Variants in KLF12 observed in about 807,000 individuals in gnomAD.
The protein encoded by KLF12 is KLF transcription factor 12.
A neutral mutation model predicts 37.8 loss-of-function variants in KLF12; 9 were observed. The ratio of observed to expected loss-of-function variants is 0.24; its 90% CI spans 0.14 to 0.42. KLF12 has a LOEUF of 0.42. KLF12 is among the 10% of genes least tolerant of loss of function. The probability of loss-of-function intolerance (pLI) is 1.00; values close to 1 mark genes in which losing one functional copy is unlikely to be tolerated. For synonymous variants in KLF12, 208 were observed against 202.1 expected (o/e 1.03, Z -0.25); for missense variants, 411 against 516.0 (o/e 0.80, Z 1.97).
intron 3 of KLF12, among the ~76,000 whole-genome samples, chr13:73,934,502 C>G (rs1312054599): frequency 6.6e-6 from 1 of 152,144 alleles, no homozygotes; most frequent in Non-Finnish European, 1.5e-5. Context: ...TTACTCATTT[C>G]CTGTATAAAT....
chr13:73,970,983 A>G (rs1319752454), intron 2 of KLF12, among the ~76,000 whole-genome samples: 2 of 152,200 alleles, frequency 1.3e-5, no homozygotes, highest in East Asian at 3.8e-4. Flanking sequence ...ATTGACTGAG[A>G]GAAGGCATCT....
the KLF12 span, among the ~76,000 whole-genome samples, chr13:74,252,986 T>C: frequency 2.1e-5 from 1 of 48,746 alleles, no homozygotes; most frequent in African/African-American, 9.6e-5. Flanking sequence ...TGTCTATCTA[T>C]CTATCTATCT....
chr13:74,242,907 G>A, the KLF12 span, among the ~76,000 whole-genome samples: 17 of 152,300 alleles, frequency 1.1e-4, no homozygotes, highest in East Asian at 3.3e-3. Context: ...CCACTGCAGA[G>A]CCCTGATGAA....
chr13:74,243,787 A>G, the KLF12 span, among the ~76,000 whole-genome samples: 1 of 152,164 alleles, frequency 6.6e-6, no homozygotes, highest in Admixed American at 6.6e-5. Context: ...TGGGTTTTGA[A>G]ATGCAGTTAA....
intron 2 of KLF12, among the ~76,000 whole-genome samples, chr13:73,961,244 T>C (rs543729416): frequency 6.6e-6 from 1 of 152,302 alleles, no homozygotes; most frequent in East Asian, 1.9e-4. Flanking sequence ...GTGTTCTCAC[T>C]AACAATGCAT....
chr13:73,735,809 C>G lies in KLF12; in HGVS notation c.870-20284G>C, dbSNP rs373529575. 2.4e-4 allele frequency among the ~76,000 whole-genome samples: 37 copies of G among 152,184 alleles called. No homozygotes were observed. The East Asian group carries it at 5.2e-3, about 21-fold the overall frequency. On this transcript the variant is annotated intron_variant, in intron 6 of 7. Coordinates refer to ENST00000377669, the MANE Select transcript of KLF12 (RefSeq NM_007249.5). The stretch of plus-strand genomic sequence containing the variant: ...TATGAGATTGATACTACTGAGTTAC[C>G]CACGTCACATAAAAACTGAGTCTAA...
chr13:74,275,851 TTTCTTTCTTTCTTTCTATCTTTCTTTC>T, the KLF12 span, among the ~76,000 whole-genome samples: 45 of 123,394 alleles, frequency 3.6e-4, 2 homozygotes, highest in Admixed American at 9.5e-4. Context: ...TCTTTCTTTC[TTTCTTTCTTTCTTTCTATCTTTCTTTC>T]TTCTTTCTTT....
At chr13:73,823,093 AT>A (rs1883623424) in intron 4 of KLF12, among the ~76,000 whole-genome samples, 3 of 152,230 alleles carry the variant, frequency 2.0e-5, no homozygotes, top group African/African-American at 7.2e-5. Context: ...GCATTAATCC[AT>A]GGCCATTTTA....
At chr13:73,771,753 G>A (rs1004295905) in intron 5 of KLF12, among the ~76,000 whole-genome samples, 1 of 152,166 alleles carries the variant, frequency 6.6e-6, no homozygotes, top group African/African-American at 2.4e-5. Flanking sequence ...AAAATTATAA[G>A]AGATTTCAAA....
chr13:73,923,505 C>A (rs748079), intron 3 of KLF12, among the ~76,000 whole-genome samples: 120,308 of 152,114 alleles, frequency 0.79, 48,719 homozygotes, highest in Non-Finnish European at 0.88. Flanking sequence ...TGCAGCACCC[C>A]CTGGCTCCTC....
At chr13:73,936,152 G>A (rs1309641633) in intron 3 of KLF12, among the ~76,000 whole-genome samples, 4 of 152,066 alleles carry the variant, frequency 2.6e-5, no homozygotes, top group African/African-American at 9.7e-5. Flanking sequence ...CTGCTTCTTT[G>A]TACATCTGGT....
At chr13:73,794,226 C>T (rs1444085379) in intron 5 of KLF12, among the ~76,000 whole-genome samples, 3 of 152,296 alleles carry the variant, frequency 2.0e-5, no homozygotes, top group Non-Finnish European at 4.4e-5. Flanking sequence ...TTTGGGAGGC[C>T]GAGGCAGGCG....
chr13:74,250,252 C>G, the KLF12 span, among the ~76,000 whole-genome samples: 33 of 152,262 alleles, frequency 2.2e-4, no homozygotes, highest in African/African-American at 7.9e-4. Context: ...ACACAGAGAG[C>G]TATGTGCTTG....
intron 4 of KLF12, among the ~76,000 whole-genome samples, chr13:73,841,511 G>C (rs1294151466): frequency 1.3e-5 from 2 of 152,082 alleles, no homozygotes; most frequent in African/African-American, 4.8e-5. Context: ...CTGCGGGTTG[G>C]GCAAGCTTGC....
At chr13:73,914,844 C>T (rs1172088651) in intron 3 of KLF12, among the ~76,000 whole-genome samples, 9 of 152,074 alleles carry the variant, frequency 5.9e-5, no homozygotes, top group Non-Finnish European at 1.2e-4. Flanking sequence ...CTACATTTCC[C>T]CTCTTGCTCG....
intron 3 of KLF12, among the ~76,000 whole-genome samples, chr13:73,936,586 T>C (rs1240396086): frequency 6.6e-6 from 1 of 152,110 alleles, no homozygotes; most frequent in Non-Finnish European, 1.5e-5. Flanking sequence ...CTCTACAGTA[T>C]TCTTCTCACA....
intron 4 of KLF12, among the ~76,000 whole-genome samples, chr13:73,813,982 T>C (rs960527508): frequency 1.3e-5 from 2 of 152,224 alleles, no homozygotes; most frequent in Non-Finnish European, 2.9e-5. Context: ...AACGGCACAA[T>C]GTTCTGACCC....
chr13:73,751,833 T>C (rs1048546065), intron 6 of KLF12, among the ~76,000 whole-genome samples: 21 of 152,038 alleles, frequency 1.4e-4, no homozygotes, highest in African/African-American at 4.8e-4. Context: ...GGACATCTAC[T>C]GGGGGTAAGT....
intron 3 of KLF12, among the ~76,000 whole-genome samples, chr13:73,872,389 G>T (rs1488147970): frequency 6.6e-6 from 1 of 152,050 alleles, no homozygotes; most frequent in East Asian, 1.9e-4. Flanking sequence ...TCAGTATTTT[G>T]AATGCTCAGG....
Sources: allele counts gnomAD v4.1 joint callset (sites outside exome capture counted in the v4.1 genomes callset), GRCh38; gene constraint gnomAD v4.1.1; transcripts MANE v1.5; gene names NCBI Gene and HGNC (gene_info 2026-07-23, HGNC 2026-07-21).